The following TRPC6 variants were observed in gnomAD, a reference collection of about 807,000 sequenced individuals.
TRPC6 encodes transient receptor potential cation channel subfamily C member 6.
TRPC6 carries 55 observed loss-of-function variants against 90.7 expected under a neutral mutation model. That is an observed-to-expected ratio of 0.61 (90% confidence interval 0.49 to 0.76). The LOEUF is 0.76. Among genes scored for constraint, TRPC6 ranks in the 30% least tolerant of loss-of-function variants. The pLI is 0.00. For synonymous variants in TRPC6, 393 were observed against 393.0 expected, an observed-to-expected ratio of 1.00 and a Z score of 0.00; for missense variants, 989 against 1,122.7, an observed-to-expected ratio of 0.88 and a Z score of 1.70.
At chr11:101,454,887 A>T in intron 11 of TRPC6, 131 bp downstream of exon 11, 1 of 665,516 alleles carries the variant, frequency 1.5e-6, no homozygotes, top group African/African-American at 1.8e-5. Flanking sequence ...CATGGTAATT[A>T]ATAAATATTT....
At chr11:101,573,624 T>G (rs1231019821) in intron 1 of TRPC6, among the ~76,000 whole-genome samples, 1 of 152,184 alleles carries the variant, frequency 6.6e-6, no homozygotes, top group African/African-American at 2.4e-5. Flanking sequence ...TAATCTTTCA[T>G]GTTTCCTCTT....
At chr11:101,472,454 CT>C (rs1859315226) in intron 7 of TRPC6, 122 bp from the exon 8 acceptor site, 2 of 925,454 alleles carry the variant, frequency 2.2e-6, no homozygotes, top group South Asian at 1.7e-5. Flanking sequence ...AAATTCTTCA[CT>C]TCTCTGAAGC....
At chr11:101,541,407 GC>G (rs1861169824) in intron 1 of TRPC6, among the ~76,000 whole-genome samples, 1 of 152,100 alleles carries the variant, frequency 6.6e-6, no homozygotes, top group South Asian at 2.1e-4. Context: ...TTTCGCCCAG[GC>G]CGGAGTGCAG....
chr11:101,554,170 A>G (rs11224847), intron 1 of TRPC6, among the ~76,000 whole-genome samples: 15,612 of 152,152 alleles, frequency 0.1, 908 homozygotes, highest in Middle Eastern at 0.14. Context: ...CAGACAGACC[A>G]GTATATTCAG....
intron 10 of TRPC6, among the ~76,000 whole-genome samples, chr11:101,463,032 T>G (rs937495488): frequency 6.6e-6 from 1 of 152,200 alleles, no homozygotes; most frequent in African/African-American, 2.4e-5. Flanking sequence ...CTATTGAGTT[T>G]TGTTGAAGGC....
intron 1 of TRPC6, among the ~76,000 whole-genome samples, chr11:101,558,380 T>G (rs910357328): frequency 1.5e-5 from 1 of 67,450 alleles, no homozygotes. Flanking sequence ...CATGTATATA[T>G]GTATACATGT....
chr11:101,471,218 T>C lies in TRPC6; in HGVS notation c.2374A>G (p.Lys792Glu), dbSNP rs756662207. The change falls in exon 9 of 13, where the codon AAA (lysine) becomes GAA (glutamate). Residue 792 changes from lysine to glutamate, a missense_variant. This residue lies in a region of TRPC6 where 191 missense variants were observed against 196.7 expected (regional missense o/e 0.97). Transcript: ENST00000344327. The stretch of plus-strand genomic sequence containing the variant: ...TCTGCATCTTCCTGGAAACCTTTTT[T>C]ATGGCCCTGGAACAGCTCAGAAATC... Reference protein sequence around the residue: ...KWISELFQGHKKGFQEDAEMN... With the variant: ...KWISELFQGHEKGFQEDAEMN... 1.2e-6 allele frequency: 2 copies of C among 1,613,924 alleles called. No homozygotes were observed. Among genetic ancestry groups the C allele is most frequent in the Admixed American group, 3.3e-5 (2 of 60,012 alleles).
rs147645848 is a variant in TRPC6 at position 101,496,122 on chromosome 11, G to C, written c.946-4384C>G. ...AGAGTGAAGGGAGAAGTGCCACACA[G>C]TTTTAAACCATCAAATCTCATGAGA... On this transcript the variant is annotated intron_variant, in intron 2 of 12. Coordinates refer to ENST00000344327, the MANE Select transcript of TRPC6 (RefSeq NM_004621.6). Among the ~76,000 whole-genome samples the C allele has an allele frequency of 4.5e-3, 681 of 152,054 alleles. 3 individuals carry two copies. The highest frequency in any genetic ancestry group is 0.016 in the African/African-American group (648 of 41,470).
intron 2 of TRPC6, among the ~76,000 whole-genome samples, chr11:101,495,391 T>C (rs1378933079): frequency 6.6e-6 from 1 of 152,114 alleles, no homozygotes; most frequent in Non-Finnish European, 1.5e-5. Flanking sequence ...TAATCTACTA[T>C]GTGGGCTTTG....
At chr11:101,503,132 G>T (rs1208491044) in intron 2 of TRPC6, among the ~76,000 whole-genome samples, 1 of 152,122 alleles carries the variant, frequency 6.6e-6, no homozygotes, top group Non-Finnish European at 1.5e-5. Flanking sequence ...CCTCAAACAG[G>T]TAGAGGGAGT....
intron 10 of TRPC6, among the ~76,000 whole-genome samples, chr11:101,468,760 G>C (rs1348525804): frequency 6.6e-6 from 1 of 152,186 alleles, no homozygotes; most frequent in African/African-American, 2.4e-5. Flanking sequence ...CAAATGTCTT[G>C]TTTAAACCAC....
intron 1 of TRPC6, among the ~76,000 whole-genome samples, chr11:101,528,617 C>T (rs1173849445): frequency 1.3e-5 from 2 of 152,282 alleles, no homozygotes; most frequent in East Asian, 1.9e-4. Context: ...TGTACTAACT[C>T]TTATGTGTAG....
At chr11:101,563,291 T>A (rs1861755117) in intron 1 of TRPC6, among the ~76,000 whole-genome samples, 2 of 152,118 alleles carry the variant, frequency 1.3e-5, no homozygotes, top group Non-Finnish European at 2.9e-5. Context: ...TAGAATAGGA[T>A]AAGAATGTGT....
At chr11:101,573,991 G>A (rs72976319) in intron 1 of TRPC6, among the ~76,000 whole-genome samples, 4 of 148,462 alleles carry the variant, frequency 2.7e-5, no homozygotes, top group African/African-American at 5.0e-5. Context: ...TGGAGAGTAC[G>A]TAAGGAACAG....
At chr11:101,545,563 G>A (rs1861284005) in intron 1 of TRPC6, among the ~76,000 whole-genome samples, 1 of 152,126 alleles carries the variant, frequency 6.6e-6, no homozygotes, top group Non-Finnish European at 1.5e-5. Context: ...GCTTTCTTGA[G>A]ATTATTAGAT....
intron 1 of TRPC6, among the ~76,000 whole-genome samples, chr11:101,569,951 T>C (rs11523959): frequency 0.23 from 34,613 of 150,266 alleles, 4,273 homozygotes; most frequent in Middle Eastern, 0.35. Context: ...AACATCATAA[T>C]TAAAAGAACT....
intron 2 of TRPC6, among the ~76,000 whole-genome samples, chr11:101,496,194 G>A (rs1591086518): frequency 6.6e-6 from 1 of 152,212 alleles, no homozygotes; most frequent in South Asian, 2.1e-4. Context: ...CCATCCCCAC[G>A]ATGCAGTCAT....
chr11:101,516,272 T>C (rs1480748613), intron 1 of TRPC6, among the ~76,000 whole-genome samples: 7 of 152,156 alleles, frequency 4.6e-5, no homozygotes, highest in African/African-American at 1.7e-4. Flanking sequence ...TAAACCTAGG[T>C]TTGCAGATGT....
chr11:101,455,716 C>G (rs1858867612), intron 10 of TRPC6: 1 of 152,302 alleles, frequency 6.6e-6, no homozygotes, highest in South Asian at 2.1e-4. Context: ...TATTAACATG[C>G]TAAGAGGATG....
Sources: gnomAD v4.1 joint callset for allele counts (sites outside exome capture counted in the v4.1 genomes callset) on GRCh38, gnomAD v4.1.1 for gene constraint, gnomAD v4.1.1 regional missense constraint, MANE v1.5 for transcripts, NCBI Gene and HGNC (gene_info 2026-07-23, HGNC 2026-07-21) for gene names.